The following HMGCL variants were observed in gnomAD, a reference collection of about 807,000 sequenced individuals.
The protein encoded by HMGCL is hydroxymethylglutaryl-CoA lyase, mitochondrial.
HMGCL carries 26 observed loss-of-function variants against 37.3 expected under a neutral mutation model. The ratio of observed to expected loss-of-function variants is 0.70; its 90% CI spans 0.51 to 0.97. The LOEUF is 0.97. Among genes scored for constraint, HMGCL ranks in the 50% least tolerant of loss-of-function variants. The probability of loss-of-function intolerance (pLI) is 0.00; values close to 1 mark genes in which losing one functional copy is unlikely to be tolerated. For missense variants in HMGCL, 379 were observed against 398.1 expected, an observed-to-expected ratio of 0.95 and a Z score of 0.41; for synonymous variants, 151 against 148.0, an observed-to-expected ratio of 1.02 and a Z score of -0.15.
In HMGCL at chr1:23,825,311, C is replaced by CA. The variant is rs1294875778; in HGVS notation, c.60+44dup. 5 of 1,485,844 alleles carry CA rather than the reference C, an allele frequency of 3.4e-6. No homozygotes were observed. The East Asian group carries it at 9.8e-5, about 29-fold the overall frequency. The allele number at this position is 1,485,844 out of a possible 1,614,324, so 92.0% of individuals were successfully genotyped here. A position where few individuals can be genotyped will look rare whatever the true frequency, so the allele number is the denominator to read the frequency against. On this transcript the variant is annotated intron_variant, in intron 1 of 8. Coordinates refer to ENST00000374490, the MANE Select transcript of HMGCL (RefSeq NM_000191.3). ...GGGCCAAGCCCCCAACCCTGACAGT[C>CA]AGAGTGCCTGCAGGGCCGCCGCCTC...
chr1:23,805,180 T>C (rs2473374), intron 7 of HMGCL, among the ~76,000 whole-genome samples: 8,522 of 152,106 alleles, frequency 0.056, 779 homozygotes, highest in African/African-American at 0.19. Context: ...AGATGGACCC[T>C]GAGCTCCTAG....
At chr1:23,805,124 C>T (rs987872768) in intron 7 of HMGCL, among the ~76,000 whole-genome samples, 1 of 152,150 alleles carries the variant, frequency 6.6e-6, no homozygotes, top group African/African-American at 2.4e-5. Flanking sequence ...ATCTACCCAC[C>T]TGCCTACATC....
Position 23,820,587 on chromosome 1 carries a change from T to A in HMGCL, c.67A>T (p.Thr23Ser). ...VGLASLRAVS[T>S]SSMGTLPKRV... ...TTTGGTAAAGTGCCCATAGATGAGG[T>A]GCTGACCTTTGGTTTAAAAGAGGAA... Residue 23 changes from threonine to serine, a missense_variant, in exon 2 of 9, where the codon ACC becomes TCC. Transcript: ENST00000374490. The A allele has an allele frequency of 6.2e-7, 1 of 1,613,586 alleles. No homozygotes were observed. The highest frequency in any genetic ancestry group is 8.5e-7 in the Non-Finnish European group (1 of 1,179,498).
chr1:23,815,642 C>T (rs935053819), intron 4 of HMGCL, among the ~76,000 whole-genome samples: 5 of 151,724 alleles, frequency 3.3e-5, no homozygotes, highest in African/African-American at 1.2e-4. Context: ...ATTACAGGTA[C>T]CTGCCACCAA....
chr1:23,817,351 A>T (rs1638629551), intron 3 of HMGCL, 125 bp downstream of exon 3: 2 of 668,420 alleles, frequency 3.0e-6, no homozygotes, highest in Non-Finnish European at 5.4e-6. Flanking sequence ...AGTGCTATGA[A>T]TCACCTGAGA....
At chr1:23,821,044 TGTTAG>T (rs1638709744) in intron 1 of HMGCL, among the ~76,000 whole-genome samples, 2 of 152,186 alleles carry the variant, frequency 1.3e-5, no homozygotes, top group African/African-American at 4.8e-5. Context: ...GCTGTATGTA[TGTTAG>T]AAGTAGTTTA....
chr1:23,810,859 G>T, intron 5 of HMGCL, 60 bp from the exon 6 acceptor site: 1 of 1,367,786 alleles, frequency 7.3e-7, no homozygotes, highest in South Asian at 1.2e-5. Flanking sequence ...TAGCAGAACT[G>T]AGGCAGGGCT....
chr1:23,807,351 G>T, intron 7 of HMGCL: 1 of 455,884 alleles, frequency 2.2e-6, no homozygotes, highest in South Asian at 1.6e-5. Context: ...TGAGGAAACC[G>T]ACCCAGAACA....
chr1:23,816,598 T>C (rs1323637720), intron 4 of HMGCL, 77 bp downstream of exon 4: 2 of 913,864 alleles, frequency 2.2e-6, no homozygotes, highest in Non-Finnish European at 1.8e-6. Context: ...GACAGGGGAC[T>C]GAGGCGCCAA....
intron 5 of HMGCL, chr1:23,813,982 G>T: frequency 1.6e-6 from 1 of 617,782 alleles, no homozygotes. Context: ...ATGGCTAGCT[G>T]GTAAACTGAC....
chr1:23,802,425 T>A lies in HMGCL; in HGVS notation c.*38A>T. On this transcript the variant is annotated 3_prime_UTR_variant, in exon 9 of 9. Coordinates refer to ENST00000374490, the MANE Select transcript of HMGCL (RefSeq NM_000191.3). ...ATGAATCATCTGTGTGTGCCCCTAT[T>A]TCCACATCATCCCCAGGGCTTCAGG... The A allele has an allele frequency of 8.0e-7, 1 of 1,246,304 alleles. No homozygotes were observed. Among genetic ancestry groups the A allele is most frequent in the South Asian group, 1.2e-5 (1 of 83,740 alleles). The allele number at this position is 1,246,304 out of a possible 1,614,324, so 77.2% of individuals were successfully genotyped here.
At chr1:23,807,459 T>A (rs148710505) in intron 7 of HMGCL, among the ~76,000 whole-genome samples, 1 of 152,252 alleles carries the variant, frequency 6.6e-6, no homozygotes, top group East Asian at 1.9e-4. Flanking sequence ...AGATGGAAGG[T>A]TAGGCCAATG....
At chr1:23,825,322 C>G in intron 1 of HMGCL, 34 bp downstream of exon 1, 1 of 1,535,330 alleles carries the variant, frequency 6.5e-7, no homozygotes, top group Non-Finnish European at 8.8e-7. Flanking sequence ...AGAGTGCCTG[C>G]AGGGCCGCCG....
chr1:23,804,371 T>C (rs200174420), intron 8 of HMGCL, 29 bp downstream of exon 8: 2 of 1,613,988 alleles, frequency 1.2e-6, no homozygotes, highest in Admixed American at 3.3e-5. Context: ...AGTTCGGGGC[T>C]GTCGCCACCA....
At chr1:23,820,865 G>A (rs1323980231) in intron 1 of HMGCL, among the ~76,000 whole-genome samples, 2 of 151,984 alleles carry the variant, frequency 1.3e-5, no homozygotes, top group African/African-American at 4.8e-5. Context: ...AGCTCTATTC[G>A]CATCTCTTCA....
In HMGCL at chr1:23,825,383, T is replaced by C. The variant is rs2148428444; in HGVS notation, c.33A>G (p.Arg11=). The C allele has an allele frequency of 6.4e-7, 1 of 1,561,866 alleles. No individual in the cohort carries two copies. The highest frequency in any genetic ancestry group is 1.2e-5 in the South Asian group (1 of 84,912). ...CCCGGAGGGACGCCAAGCCCACCAGTCGCCGCGGAAGCGCCTTCCTCATTG... is the reference window on the plus strand; with the variant it reads ...CCCGGAGGGACGCCAAGCCCACCAGCCGCCGCGGAAGCGCCTTCCTCATTG... MAAMRKALPR[R]LVGLASLRAV... The change falls in exon 1 of 9, where the codon CGA becomes CGG. Residue 11 remains arginine (R), a synonymous_variant. Transcript: ENST00000374490.
At chr1:23,817,743 A>C (rs933966061) in intron 2 of HMGCL, among the ~76,000 whole-genome samples, 160 bp from the exon 3 acceptor site, 25 of 152,254 alleles carry the variant, frequency 1.6e-4, no homozygotes, top group African/African-American at 6.0e-4. Context: ...TCTGCCATGC[A>C]GGCTTTCCCG....
At chr1:23,815,906 C>T (rs975509250) in intron 4 of HMGCL, among the ~76,000 whole-genome samples, 2 of 151,082 alleles carry the variant, frequency 1.3e-5, no homozygotes. Flanking sequence ...CCATCACCAC[C>T]CTGGAAGTCA....
At chr1:23,820,383 T>C (rs1638695808) in intron 2 of HMGCL, 127 bp downstream of exon 2, 1 of 748,296 alleles carries the variant, frequency 1.3e-6, no homozygotes, top group Non-Finnish European at 2.4e-6. Flanking sequence ...CCTCCTCTAC[T>C]CTCCCCTAAC....
Sources: allele counts gnomAD v4.1 joint callset (sites outside exome capture counted in the v4.1 genomes callset), GRCh38; gene constraint gnomAD v4.1.1; transcripts MANE v1.5; gene names NCBI Gene and HGNC (gene_info 2026-07-23, HGNC 2026-07-21).